The following SNX13 variants were observed in gnomAD, a reference collection of about 807,000 sequenced individuals.
The protein encoded by SNX13 is sorting nexin-13.
Under a neutral mutation model 133.6 loss-of-function variants are expected in SNX13, and 45 were observed. The ratio of observed to expected loss-of-function variants is 0.34; its 90% CI spans 0.27 to 0.43. SNX13 has a LOEUF of 0.43. Ranked by LOEUF, SNX13 falls within the 20% of genes least tolerant of loss-of-function variation. The probability of loss-of-function intolerance (pLI) is 1.00; values close to 1 mark genes in which losing one functional copy is unlikely to be tolerated. For synonymous variants in SNX13, 414 were observed against 373.9 expected (o/e 1.11, Z -1.24); for missense variants, 1,032 against 1,145.1 (o/e 0.90, Z 1.43).
rs200148485 is a variant in SNX13, at chr7:17,876,574, C to CAAAA, written c.441-788_441-785dup. 1.9e-4 allele frequency among the ~76,000 whole-genome samples: 23 copies of CAAAA among 120,794 alleles called. 5 individuals carry two copies. The highest frequency in any genetic ancestry group is 1.7e-4 in the Admixed American group (2 of 11,600). 79.2% of individuals were successfully genotyped at this position (120,794 alleles called of 152,430 possible). A position where few individuals can be genotyped will look rare whatever the true frequency, so the allele number is the denominator to read the frequency against. On this transcript the variant is annotated intron_variant, in intron 5 of 25. Transcript: ENST00000428135. ...GAGCCTGGGAACAGAGCTATCTCATCAAAAAAAAAAAAAAAAGCCTTAACC... is the reference window on the plus strand; with the variant it reads ...GAGCCTGGGAACAGAGCTATCTCATCAAAAAAAAAAAAAAAAAAAAGCCTTAACC...
rs903297710 is a variant in SNX13, at chr7:17,792,463, A to C, written c.*1582T>G. ...TTATTAATAAATATGATTATTATAA[A>C]GCTTTAAAGGAAGGCTTTATTCTGT... On this transcript the variant is annotated 3_prime_UTR_variant, in exon 26 of 26. Transcript: ENST00000428135. 7.2e-5 allele frequency: 11 copies of C among 152,474 alleles called. No homozygotes were observed. The highest frequency in any genetic ancestry group is 5.9e-5 in the Non-Finnish European group (4 of 67,928). The allele number at this position is 152,474 out of a possible 1,614,324, so 9.4% of individuals were successfully genotyped here.
At chr7:17,899,191 G>A (rs1797545323) in intron 1 of SNX13, 1 of 152,120 alleles carries the variant, frequency 6.6e-6, no homozygotes, top group South Asian at 2.1e-4. Flanking sequence ...AAATGTACTG[G>A]AGCACCATTC....
At position 17,794,303 on chromosome 7, in the gene SNX13, T is replaced by G. The variant is rs767013284; in HGVS notation, c.2627-11A>C. 1 of 1,602,986 alleles carries G rather than the reference T, an allele frequency of 6.2e-7. No homozygotes were observed. Among genetic ancestry groups the G allele is most frequent in the South Asian group, 1.1e-5 (1 of 89,436 alleles). ...TGTGCTTCAGCTCATCTAAATGAAG[T>G]GGAGGAAAACACACATAATTATTCA... On this transcript the variant is annotated splice_polypyrimidine_tract_variant and intron_variant, in intron 25 of 25. Transcript: ENST00000428135.
chr7:17,798,806 GA>G, intron 23 of SNX13, 48 bp from the exon 24 acceptor site: 2 of 1,402,096 alleles, frequency 1.4e-6, no homozygotes, highest in Admixed American at 2.7e-5. Context: ...TTTAGAAGGT[GA>G]AAAAAATAAA....
chr7:17,810,079 C>A (rs1785824385), intron 20 of SNX13, among the ~76,000 whole-genome samples: 1 of 151,886 alleles, frequency 6.6e-6, no homozygotes, highest in African/African-American at 2.4e-5. Flanking sequence ...CAAGAGCAAA[C>A]AAATTCAAAA....
chr7:17,905,295 T>C (rs185675483), intron 1 of SNX13, among the ~76,000 whole-genome samples: 3 of 152,320 alleles, frequency 2.0e-5, no homozygotes, highest in Admixed American at 1.3e-4. Context: ...TTGATTCTAT[T>C]GTTACTAGGT....
chr7:17,844,362 T>C (rs1221208147), intron 12 of SNX13, among the ~76,000 whole-genome samples: 2 of 151,822 alleles, frequency 1.3e-5, no homozygotes, highest in East Asian at 3.9e-4. Context: ...ATGAAGGAAT[T>C]GAAAATCTGA....
chr7:17,799,939 A>G (rs1243757287), intron 22 of SNX13, among the ~76,000 whole-genome samples: 1 of 151,774 alleles, frequency 6.6e-6, no homozygotes, highest in East Asian at 1.9e-4. Context: ...CAACACTGTA[A>G]TTTAAATACT....
chr7:17,913,033 CCA>C (rs1799162766), intron 1 of SNX13, among the ~76,000 whole-genome samples: 1 of 152,178 alleles, frequency 6.6e-6, no homozygotes, highest in African/African-American at 2.4e-5. Context: ...GCTGGGCACC[CCA>C]GTCTGCTTTC....
intron 13 of SNX13, among the ~76,000 whole-genome samples, chr7:17,837,765 A>G (rs1789319189): frequency 1.3e-5 from 2 of 152,074 alleles, no homozygotes; most frequent in Admixed American, 6.6e-5. Flanking sequence ...GTTCAATTCC[A>G]AATAAATTAC....
chr7:17,817,016 G>A (rs549056427), intron 18 of SNX13, among the ~76,000 whole-genome samples: 9 of 152,240 alleles, frequency 5.9e-5, no homozygotes, highest in African/African-American at 1.9e-4. Flanking sequence ...ATATAACCCC[G>A]TGTATACACA....
At chr7:17,831,994 G>A (rs561866493) in intron 15 of SNX13, 2 of 983,764 alleles carry the variant, frequency 2.0e-6, no homozygotes, top group East Asian at 1.1e-4. Flanking sequence ...AAAGGGATAG[G>A]TAATTTCACA....
intron 8 of SNX13, 34 bp from the exon 9 acceptor site, chr7:17,868,524 A>C: frequency 6.7e-7 from 1 of 1,487,850 alleles, no homozygotes; most frequent in Non-Finnish European, 9.2e-7. Flanking sequence ...AACAAATTTA[A>C]TCTATTTCTG....
At position 17,794,287 on chromosome 7, in the gene SNX13, G is replaced by T; in HGVS notation, c.2632C>A (p.Leu878Met). 1 of 1,608,236 alleles carries T rather than the reference G, an allele frequency of 6.2e-7. No homozygotes were observed. The highest frequency in any genetic ancestry group is 8.5e-7 in the Non-Finnish European group (1 of 1,177,050). Residue 878 changes from leucine to methionine, a missense_variant, in exon 26 of 26, where the codon CTG (leucine) becomes ATG (methionine). By Grantham distance (15) the Leu-to-Met change is conservative (BLOSUM62 2). Transcript: ENST00000428135. ...GTCTCAGCCCCAATAATGTGCTTCA[G>T]CTCATCTAAATGAAGTGGAGGAAAA... is the stretch of plus-strand genomic sequence containing the variant. ...TKLLAIMPDE[L>M]KHIIGAETTR...
At chr7:17,886,675 C>T (rs948376117) in intron 5 of SNX13, among the ~76,000 whole-genome samples, 1 of 152,136 alleles carries the variant, frequency 6.6e-6, no homozygotes, top group East Asian at 1.9e-4. Context: ...CCACACTTCA[C>T]TTTCAAGATC....
At position 17,814,857 on chromosome 7, in the gene SNX13, CT is replaced by C; in HGVS notation, c.2040del (p.Gly681GlufsTer13). 1 of 1,546,794 alleles carries C rather than the reference CT, an allele frequency of 6.5e-7. No homozygotes were observed. On this transcript the variant is annotated frameshift_variant, in exon 20 of 26. Coordinates refer to ENST00000428135, the MANE Select transcript of SNX13 (RefSeq NM_015132.5). LOFTEE classifies it high-confidence loss of function. ...YDFLENKAYS[K>X]GKGDFARKMD... The stretch of plus-strand genomic sequence containing the variant: ...ACCTTGCGAGCAAAATCCCCTTTTC[CT>C]TTACTGTAGGCTTTGTTCTCAAGGA...
chr7:17,893,754 C>G (rs758466560), intron 2 of SNX13, among the ~76,000 whole-genome samples: 2 of 152,056 alleles, frequency 1.3e-5, no homozygotes, highest in Non-Finnish European at 2.9e-5. Context: ...ACAGGAGGAT[C>G]ACAAGGTCAG....
intron 1 of SNX13, among the ~76,000 whole-genome samples, chr7:17,919,822 C>T (rs769074545): frequency 1.3e-5 from 2 of 152,100 alleles, no homozygotes; most frequent in African/African-American, 4.8e-5. Context: ...AAATGTATGT[C>T]ACTCAGCTAC....
chr7:17,845,565 G>C lies in SNX13; in HGVS notation c.1165+30C>G. ...AAATCGAAAAAGAAATTCAATGGCT[G>C]TATCATTTAAATAGAATTGATCTAC... On this transcript the variant is annotated intron_variant, in intron 12 of 25. Coordinates refer to ENST00000428135, the MANE Select transcript of SNX13 (RefSeq NM_015132.5). 2.2e-6 allele frequency: 3 copies of C among 1,356,496 alleles called. No individual in the cohort carries two copies. In the South Asian group the frequency reaches 4.1e-5, roughly 18 times the overall value. The allele number at this position is 1,356,496 out of a possible 1,614,324, so 84.0% of individuals were successfully genotyped here.
Sources: allele counts gnomAD v4.1 joint callset (sites outside exome capture counted in the v4.1 genomes callset), GRCh38; gene constraint gnomAD v4.1.1; transcripts MANE v1.5; gene names NCBI Gene and HGNC (gene_info 2026-07-23, HGNC 2026-07-21).